The following LIPA variants were observed in gnomAD, a reference collection of about 807,000 sequenced individuals.
The protein encoded by LIPA is lipase A, lysosomal acid type.
Under a neutral mutation model 40.6 loss-of-function variants are expected in LIPA, and 26 were observed. That is an observed-to-expected ratio of 0.64 (90% CI 0.47 to 0.89). The LOEUF (loss-of-function observed/expected upper bound fraction) is 0.89. Among genes scored for constraint, LIPA ranks in the 40% least tolerant of loss-of-function variants. The pLI, the probability that LIPA is intolerant of heterozygous loss-of-function variation, is 0.00. For missense variants in LIPA, 455 were observed against 479.6 expected (o/e 0.95, Z 0.48); for synonymous variants, 188 against 168.4 (o/e 1.12, Z -0.90).
chr10:89,256,958 A>G (rs1364424965), intron 1 of LIPA, among the ~76,000 whole-genome samples: 1 of 152,216 alleles, frequency 6.6e-6, no homozygotes, highest in African/African-American at 2.4e-5. Context: ...AGAAAATGAT[A>G]TTTATTCAGG....
intron 2 of LIPA, among the ~76,000 whole-genome samples, chr10:89,351,281 A>G (rs559507509): frequency 4.6e-5 from 7 of 152,344 alleles, no homozygotes; most frequent in Non-Finnish European, 8.8e-5. Flanking sequence ...ATGCCACTGC[A>G]CTCCAGCCTG....
intron 1 of LIPA, among the ~76,000 whole-genome samples, chr10:89,341,912 T>C (rs373022290): frequency 3.9e-5 from 6 of 152,342 alleles, no homozygotes; most frequent in African/African-American, 1.4e-4. Flanking sequence ...TAATGATATG[T>C]TGCATACGTG....
chr10:89,403,464 A>T (rs771744609), intron 2 of LIPA: 1 of 1,613,488 alleles, frequency 6.2e-7, no homozygotes, highest in Non-Finnish European at 8.5e-7. Context: ...ATCTGACGTC[A>T]ATGCAATTAT....
At chr10:89,304,503 C>A (rs1843465747) in intron 1 of LIPA, among the ~76,000 whole-genome samples, 1 of 152,022 alleles carries the variant, frequency 6.6e-6, no homozygotes, top group Admixed American at 6.6e-5. Flanking sequence ...GTGATCCTGC[C>A]ACATTGCATG....
In LIPA at chr10:89,245,671, C is replaced by A; in HGVS notation, c.229+5G>T. On this transcript the variant is annotated splice_donor_5th_base_variant and intron_variant, in intron 3 of 9. Coordinates refer to ENST00000336233, the MANE Select transcript of LIPA (RefSeq NM_000235.4). ...TGGTTTTTACTTTTAAGAGCCTTCCCATACCTTTGTCAGAATGGTTCTTCC... is the reference window on the plus strand; with the variant it reads ...TGGTTTTTACTTTTAAGAGCCTTCCAATACCTTTGTCAGAATGGTTCTTCC... 1 of 1,444,596 alleles carries A rather than the reference C, an allele frequency of 6.9e-7. No homozygotes were observed. The highest frequency in any genetic ancestry group is 9.7e-7 in the Non-Finnish European group (1 of 1,025,904). The allele number at this position is 1,444,596 out of a possible 1,614,324, so 89.5% of individuals were successfully genotyped here. A position where few individuals can be genotyped will look rare whatever the true frequency, so the allele number is the denominator to read the frequency against.
intron 1 of LIPA, among the ~76,000 whole-genome samples, chr10:89,305,074 G>T (rs1356600339): frequency 6.6e-6 from 1 of 151,156 alleles, no homozygotes; most frequent in Non-Finnish European, 1.5e-5. Context: ...GAAATCACCA[G>T]TTTAAGAAAT....
chr10:89,388,931 A>T (rs1055163311), intron 2 of LIPA, among the ~76,000 whole-genome samples: 6 of 152,356 alleles, frequency 3.9e-5, no homozygotes, highest in Middle Eastern at 3.4e-3. Flanking sequence ...GAAGATATGT[A>T]AATCATCAAA....
intron 1 of LIPA, among the ~76,000 whole-genome samples, chr10:89,327,321 TG>T (rs1388718159): frequency 4.6e-5 from 7 of 152,054 alleles, no homozygotes; most frequent in Non-Finnish European, 8.8e-5. Context: ...GAGGCCAAGG[TG>T]GTTGGATCAC....
chr10:89,288,460 G>C (rs1041488804), intron 1 of LIPA, among the ~76,000 whole-genome samples: 33 of 152,200 alleles, frequency 2.2e-4, no homozygotes, highest in African/African-American at 7.9e-4. Context: ...AAAGTACAGG[G>C]CTGTGCAGTC....
intron 1 of LIPA, chr10:89,305,824 T>C (rs1470797383): frequency 1.5e-6 from 1 of 655,878 alleles, no homozygotes; most frequent in South Asian, 1.9e-5. Context: ...GAAAAACATA[T>C]TATAGAAAGA....
intron 2 of LIPA, among the ~76,000 whole-genome samples, chr10:89,358,408 A>T (rs150699736): frequency 1.3e-5 from 2 of 152,346 alleles, no homozygotes; most frequent in East Asian, 3.8e-4. Context: ...TGGATTTATT[A>T]TGTGATCCAC....
At chr10:89,254,489 C>T (rs1015066930), upstream of LIPA, among the ~76,000 whole-genome samples, 2 of 152,198 alleles carry the variant, frequency 1.3e-5, no homozygotes, top group African/African-American at 4.8e-5. Flanking sequence ...CCTGAGCCAG[C>T]CCACAAAAGT....
chr10:89,379,912 G>A lies in LIPA; in HGVS notation c.61+32879C>T, dbSNP rs571074764. Among the ~76,000 whole-genome samples the A allele has an allele frequency of 1.4e-4, 21 of 152,124 alleles. No homozygotes were observed. In the South Asian group the frequency reaches 4.2e-3, roughly 30 times the overall value. On this transcript the variant is annotated intron_variant, in intron 2 of 8. Coordinates refer to the LIPA transcript ENST00000371837. Reference sequence around the variant, plus strand: ...TAGCCGGGAGTGGTGGCGGGCGCCTGTAGTCCCAGCTACTCAGGAGGCTGA... The same window carrying A: ...TAGCCGGGAGTGGTGGCGGGCGCCTATAGTCCCAGCTACTCAGGAGGCTGA...
At chr10:89,328,014 T>C (rs1843615454) in intron 1 of LIPA, 1 of 1,606,002 alleles carries the variant, frequency 6.2e-7, no homozygotes. Flanking sequence ...GGAAGACTTC[T>C]GAAGAACAAA....
At chr10:89,396,331 GT>G (rs1308787027) in intron 2 of LIPA, among the ~76,000 whole-genome samples, 3 of 152,134 alleles carry the variant, frequency 2.0e-5, no homozygotes, top group Admixed American at 6.5e-5. Flanking sequence ...AAGAAAAAAG[GT>G]TTATTTAGCT....
chr10:89,296,014 C>T (rs1050995992), intron 1 of LIPA, among the ~76,000 whole-genome samples: 2 of 152,220 alleles, frequency 1.3e-5, no homozygotes, highest in African/African-American at 4.8e-5. Flanking sequence ...CATGGCAAAA[C>T]CTTTCTCTAT....
At chr10:89,269,847 AG>A (rs1843256192) in intron 1 of LIPA, among the ~76,000 whole-genome samples, 1 of 152,192 alleles carries the variant, frequency 6.6e-6, no homozygotes, top group Non-Finnish European at 1.5e-5. Flanking sequence ...ATGAATCTGC[AG>A]GTACAGATTT....
intron 2 of LIPA, among the ~76,000 whole-genome samples, chr10:89,371,794 G>C (rs1844092954): frequency 6.6e-6 from 1 of 152,148 alleles, no homozygotes; most frequent in Non-Finnish European, 1.5e-5. Context: ...AGAGCTATAG[G>C]AATAACATGG....
intron 1 of LIPA, among the ~76,000 whole-genome samples, chr10:89,287,413 ACC>A (rs1843346651): frequency 2.0e-5 from 3 of 151,974 alleles, no homozygotes; most frequent in East Asian, 1.9e-4. Flanking sequence ...TCTTTTATGC[ACC>A]CTTTTTTAAT....
Sources: gnomAD v4.1 joint callset for allele counts (sites outside exome capture counted in the v4.1 genomes callset) on GRCh38, gnomAD v4.1.1 for gene constraint, MANE v1.5 for transcripts, NCBI Gene and HGNC (gene_info 2026-07-23, HGNC 2026-07-21) for gene names.